The following CHRM3 variants were observed in gnomAD, a reference collection of about 807,000 sequenced individuals.
CHRM3 encodes muscarinic acetylcholine receptor M3.
Under a neutral mutation model 41.8 loss-of-function variants are expected in CHRM3, and 11 were observed. The observed-to-expected ratio is 0.26, with a 90% CI of 0.17 to 0.44. The LOEUF is 0.44. Among genes scored for constraint, CHRM3 ranks in the 20% least tolerant of loss-of-function variants. The pLI, the probability that CHRM3 is intolerant of heterozygous loss-of-function variation, is 1.00. For missense variants in CHRM3, 571 were observed against 745.4 expected (o/e 0.77, Z 2.72); for synonymous variants, 297 against 301.4 (o/e 0.99, Z 0.15).
intron 6 of CHRM3, among the ~76,000 whole-genome samples, chr1:239,874,301 A>AGCAAGACC (rs1558199116): frequency 8.1e-6 from 1 of 123,838 alleles, no homozygotes; most frequent in East Asian, 2.3e-4. Flanking sequence ...ATATATATAT[A>AGCAAGACC]TATATATATA....
intron 3 of CHRM3, among the ~76,000 whole-genome samples, chr1:239,608,168 T>C (rs1389506777): frequency 6.6e-6 from 1 of 152,238 alleles, no homozygotes; most frequent in Non-Finnish European, 1.5e-5. Flanking sequence ...ATTTTTGTTA[T>C]AGTTACATTT....
At chr1:239,607,888 C>T (rs544151087) in intron 3 of CHRM3, among the ~76,000 whole-genome samples, 2 of 152,048 alleles carry the variant, frequency 1.3e-5, no homozygotes, top group East Asian at 3.9e-4. Flanking sequence ...ATTTTGTGTT[C>T]TGCATTCTGT....
At chr1:239,437,928 A>G (rs1187957919) in intron 1 of CHRM3, among the ~76,000 whole-genome samples, 2 of 152,176 alleles carry the variant, frequency 1.3e-5, no homozygotes, top group African/African-American at 2.4e-5. Flanking sequence ...CTAAGGCCCT[A>G]TTATGTTCCT....
At chr1:239,847,226 T>C (rs899477095) in intron 6 of CHRM3, among the ~76,000 whole-genome samples, 1 of 152,228 alleles carries the variant, frequency 6.6e-6, no homozygotes, top group African/African-American at 2.4e-5. Flanking sequence ...CTTTTATTTC[T>C]CATTCCTGAC....
intron 5 of CHRM3, among the ~76,000 whole-genome samples, chr1:239,754,893 T>C (rs11581597): frequency 0.013 from 1,997 of 152,228 alleles, 29 homozygotes; most frequent in Non-Finnish European, 0.021. Flanking sequence ...TAATTTGTCT[T>C]ATTGTGGGAA....
intron 5 of CHRM3, among the ~76,000 whole-genome samples, chr1:239,682,089 G>C (rs528850582): frequency 6.6e-6 from 1 of 152,112 alleles, no homozygotes; most frequent in East Asian, 1.9e-4. Flanking sequence ...TATTTATTTT[G>C]GAATAAAAAT....
chr1:239,659,069 T>C (rs185422087), intron 4 of CHRM3, among the ~76,000 whole-genome samples: 2 of 152,264 alleles, frequency 1.3e-5, no homozygotes, highest in Admixed American at 1.3e-4. Flanking sequence ...CATTCCATGT[T>C]CACATTGTGA....
At chr1:239,881,306 A>AAAAAAAAAAT (rs55929938) in intron 6 of CHRM3, among the ~76,000 whole-genome samples, 1 of 149,888 alleles carries the variant, frequency 6.7e-6, no homozygotes. Flanking sequence ...AAAAAAAAAA[A>AAAAAAAAAAT]GAATACAATC....
At chr1:239,898,176 G>C (rs573243360) in intron 6 of CHRM3, 1 of 152,144 alleles carries the variant, frequency 6.6e-6, no homozygotes, top group Non-Finnish European at 1.5e-5. Context: ...TTAAAGACAC[G>C]TTTGATTGCA....
At chr1:239,849,890 A>C (rs182014261) in intron 6 of CHRM3, among the ~76,000 whole-genome samples, 1 of 152,348 alleles carries the variant, frequency 6.6e-6, no homozygotes, top group African/African-American at 2.4e-5. Context: ...TTAGTAACAG[A>C]TAAAACGGGT....
At chr1:239,603,949 T>C (rs372513270) in intron 3 of CHRM3, among the ~76,000 whole-genome samples, 28 of 152,260 alleles carry the variant, frequency 1.8e-4, no homozygotes, top group African/African-American at 5.8e-4. Flanking sequence ...ACTACTATTA[T>C]CAGTTTTCAG....
intron 6 of CHRM3, among the ~76,000 whole-genome samples, chr1:239,858,682 C>T (rs938930495): frequency 1.3e-5 from 2 of 151,964 alleles, no homozygotes; most frequent in African/African-American, 4.8e-5. Context: ...AGTGTTGGTA[C>T]CTGTCATCTC....
rs140180443 is a variant in CHRM3 at position 239,413,753 on chromosome 1, T to A, written c.-521+26526T>A. On this transcript the variant is annotated intron_variant, in intron 1 of 6. Coordinates refer to ENST00000676153, the MANE Select transcript of CHRM3 (RefSeq NM_001375978.1). Reference sequence around the variant, plus strand: ...AGGCTCAAGATCAGATGGATTTAGATGTTTTTGAAAAGTTAGCATAGTTCT... The same window carrying A: ...AGGCTCAAGATCAGATGGATTTAGAAGTTTTTGAAAAGTTAGCATAGTTCT... Among the ~76,000 whole-genome samples, 32 of 152,338 alleles carry A rather than the reference T, an allele frequency of 2.1e-4. 1 individual carries two copies. In the East Asian group the frequency reaches 5.8e-3, roughly 28 times the overall value.
intron 6 of CHRM3, among the ~76,000 whole-genome samples, chr1:239,892,201 C>A (rs1020085724): frequency 6.6e-6 from 1 of 152,192 alleles, no homozygotes; most frequent in Non-Finnish European, 1.5e-5. Flanking sequence ...GTGACATGAG[C>A]TTTAGTTTCC....
intron 6 of CHRM3, among the ~76,000 whole-genome samples, chr1:239,902,300 G>A (rs1679641734): frequency 6.6e-6 from 1 of 152,024 alleles, no homozygotes; most frequent in Admixed American, 6.6e-5. Context: ...TACAGATCAG[G>A]CGATAGTATT....
intron 3 of CHRM3, among the ~76,000 whole-genome samples, chr1:239,587,920 C>G (rs1374714443): frequency 6.6e-6 from 1 of 152,232 alleles, no homozygotes; most frequent in East Asian, 1.9e-4. Flanking sequence ...TTTATTAGAC[C>G]AGTAAACAAA....
chr1:239,791,985 G>T (rs969099171), intron 5 of CHRM3, among the ~76,000 whole-genome samples: 4 of 152,198 alleles, frequency 2.6e-5, no homozygotes, highest in African/African-American at 9.6e-5. Flanking sequence ...TAGAAAAGAA[G>T]AAGACAGAGA....
chr1:239,505,805 CT>C (rs1357699392), intron 2 of CHRM3, among the ~76,000 whole-genome samples: 1 of 152,162 alleles, frequency 6.6e-6, no homozygotes, highest in Non-Finnish European at 1.5e-5. Context: ...TTCCTAGAGA[CT>C]TGTTGAATGG....
At chr1:239,488,022 A>G (rs1196454456) in intron 1 of CHRM3, among the ~76,000 whole-genome samples, 5 of 152,232 alleles carry the variant, frequency 3.3e-5, no homozygotes, top group African/African-American at 1.2e-4. Flanking sequence ...AGACGTGAAT[A>G]TTAAAATAAG....
Sources: allele counts gnomAD v4.1 joint callset (sites outside exome capture counted in the v4.1 genomes callset), GRCh38; gene constraint gnomAD v4.1.1; transcripts MANE v1.5; gene names NCBI Gene and HGNC (gene_info 2026-07-23, HGNC 2026-07-21).